GEMIN2: variants seen among roughly 807,000 people sequenced by gnomAD.
The protein encoded by GEMIN2 is gem nuclear organelle associated protein 2.
In GEMIN2, 37 loss-of-function variants were observed where a neutral mutation model predicts 45.8. The ratio of observed to expected loss-of-function variants is 0.81; its 90% CI spans 0.62 to 1.06. The LOEUF (loss-of-function observed/expected upper bound fraction) is 1.06. GEMIN2 is among the 50% of genes least tolerant of loss of function. The pLI is 0.00. For missense variants in GEMIN2, 335 were observed against 321.8 expected, an observed-to-expected ratio of 1.04 and a Z score of -0.31; for synonymous variants, 101 against 111.5, an observed-to-expected ratio of 0.91 and a Z score of 0.60.
chr14:39,129,934 GTTTTTTTTTT>G (rs34165330), intron 7 of GEMIN2, among the ~76,000 whole-genome samples: 2 of 61,400 alleles, frequency 3.3e-5, no homozygotes, highest in East Asian at 1.1e-3. Flanking sequence ...AGACAAGTTT[GTTTTTTTTTT>G]TTTTTTTTTT....
chr14:39,122,382 TA>T, intron 4 of GEMIN2, 47 bp from the exon 5 acceptor site: 1 of 969,716 alleles, frequency 1.0e-6, no homozygotes, highest in Non-Finnish European at 1.6e-6. Context: ...CTGTTCAGTG[TA>T]AAAATTAATA....
chr14:39,119,913 G>T (rs1044837452), intron 4 of GEMIN2, among the ~76,000 whole-genome samples: 14 of 152,206 alleles, frequency 9.2e-5, no homozygotes, highest in Non-Finnish European at 1.6e-4. Context: ...ACCCAAGTTG[G>T]TCTGTCTCTA....
intron 7 of GEMIN2, among the ~76,000 whole-genome samples, chr14:39,130,593 C>T (rs2052703760): frequency 6.6e-6 from 1 of 151,922 alleles, no homozygotes; most frequent in African/African-American, 2.4e-5. Context: ...CTTGTTAATC[C>T]CATTTAACTA....
intron 4 of GEMIN2, among the ~76,000 whole-genome samples, chr14:39,120,661 CTTG>C (rs943841300): frequency 2.0e-5 from 3 of 151,866 alleles, no homozygotes; most frequent in Non-Finnish European, 4.4e-5. Context: ...GAGTTTTGCT[CTTG>C]TTGCCCAGTC....
At chr14:39,115,580 C>T (rs2052493900) in intron 2 of GEMIN2, among the ~76,000 whole-genome samples, 1 of 151,470 alleles carries the variant, frequency 6.6e-6, no homozygotes, top group East Asian at 1.9e-4. Context: ...CCTCAGCCTC[C>T]CGAGTAGCTG....
chr14:39,133,925 C>G lies in GEMIN2; in HGVS notation c.770+206C>G, dbSNP rs1418280717. 4.6e-5 allele frequency: 16 copies of G among 344,588 alleles called. No homozygotes were observed. The South Asian group carries it at 8.6e-4, about 19-fold the overall frequency. 21.3% of individuals were successfully genotyped at this position (344,588 alleles called of 1,614,324 possible). ...CCTCCCACCTCAGCCTCCTGAGTAG[C>G]TAGGACCACAACCAAGCACCACCAC... On this transcript the variant is annotated intron_variant, in intron 9 of 9. Transcript: ENST00000308317.
At chr14:39,129,134 A>G (rs1295315316) in intron 7 of GEMIN2, among the ~76,000 whole-genome samples, 2 of 152,096 alleles carry the variant, frequency 1.3e-5, no homozygotes, top group African/African-American at 2.4e-5. Context: ...AGAAATAAAT[A>G]TATGGTTTTT....
intron 4 of GEMIN2, 22 bp from the exon 5 acceptor site, chr14:39,122,407 CA>C: frequency 9.1e-7 from 1 of 1,101,038 alleles, no homozygotes; most frequent in Admixed American, 2.1e-5. Flanking sequence ...AGGAATAAAT[CA>C]GTTTTTTTTT....
At chr14:39,131,851 C>G in intron 7 of GEMIN2, 107 bp from the exon 8 acceptor site, 1 of 636,262 alleles carries the variant, frequency 1.6e-6, no homozygotes, top group Non-Finnish European at 2.8e-6. Flanking sequence ...GTTAAATGTT[C>G]TATGAATTTA....
Position 39,133,667 on chromosome 14 carries a change from A to G in GEMIN2, c.718A>G (p.Lys240Glu). ...CSEVRLLVDS[K>E]DDERVPALNL... ...TTTCTTTTTTTTTTTTTAGGATAGC[A>G]AAGATGATGAGAGGGTTCCTGCTTT... Residue 240 changes from lysine (K) to glutamate (E), a missense_variant, in exon 9 of 10, where the codon AAA becomes GAA. Coordinates refer to ENST00000308317, the MANE Select transcript of GEMIN2 (RefSeq NM_003616.3). 6.7e-7 allele frequency: 1 copy of G among 1,495,330 alleles called. No individual in the cohort carries two copies. The highest frequency in any genetic ancestry group is 9.1e-7 in the Non-Finnish European group (1 of 1,103,316). 92.6% of individuals were successfully genotyped at this position (1,495,330 alleles called of 1,614,324 possible).
chr14:39,123,021 T>C (rs2052593507), intron 5 of GEMIN2, among the ~76,000 whole-genome samples: 1 of 152,176 alleles, frequency 6.6e-6, no homozygotes, highest in Admixed American at 6.6e-5. Flanking sequence ...TTAAAATGCA[T>C]AATCACATCT....
chr14:39,133,297 GACAC>G (rs1209529656), intron 8 of GEMIN2, among the ~76,000 whole-genome samples: 1 of 34,410 alleles, frequency 2.9e-5, no homozygotes, highest in Non-Finnish European at 6.1e-5. Flanking sequence ...CTACAGTTAA[GACAC>G]ATATATAATA....
rs906596925 is a variant in GEMIN2, at chr14:39,135,679, T to C, written c.771-761T>C. On this transcript the variant is annotated intron_variant, in intron 9 of 9. Transcript: ENST00000308317. ...GCTTTGGGAGGTCAAGGTGGGAGGA[T>C]TGCTTGAGTCCAGGGGTTCAAGAAT... Among the ~76,000 whole-genome samples, 5 of 152,034 alleles carry C rather than the reference T, an allele frequency of 3.3e-5. 1 individual carries two copies. The highest frequency in any genetic ancestry group is 4.2e-4 in the South Asian group (2 of 4,814).
rs760714095 is a variant in GEMIN2, at chr14:39,127,090, C to CCT, written c.532-1190_532-1189insCT. Among the ~76,000 whole-genome samples the CCT allele has an allele frequency of 1.4e-4, 18 of 124,526 alleles. 1 individual carries two copies. The highest frequency in any genetic ancestry group is 2.7e-4 in the African/African-American group (9 of 33,442). The allele number at this position is 124,526 out of a possible 152,430, so 81.7% of individuals were successfully genotyped here. The stretch of plus-strand genomic sequence containing the variant: ...ACTGATGGTATTTTTACAAATACAT[C>CCT]TTTTTTTTTTTTTTTTTTTGAGACA... On this transcript the variant is annotated intron_variant, in intron 6 of 9. Transcript: ENST00000308317.
At chr14:39,117,662 C>A (rs1204014073) in intron 2 of GEMIN2, among the ~76,000 whole-genome samples, 1 of 152,118 alleles carries the variant, frequency 6.6e-6, no homozygotes, top group African/African-American at 2.4e-5. Flanking sequence ...TGGTATATCT[C>A]TCTTTTTGTT....
chr14:39,128,647 C>T (rs58634862), intron 7 of GEMIN2, among the ~76,000 whole-genome samples: 4,564 of 151,538 alleles, frequency 0.03, 234 homozygotes, highest in African/African-American at 0.1. Flanking sequence ...CATGCAGCCA[C>T]GCCCAGTTTT....
At chr14:39,123,718 T>A (rs1244260340) in intron 5 of GEMIN2, among the ~76,000 whole-genome samples, 37 of 92,488 alleles carry the variant, frequency 4.0e-4, no homozygotes, top group East Asian at 6.1e-4. Context: ...ATTTTTTTTT[T>A]TTTTTTTTTT....
At chr14:39,130,483 C>G (rs2052702656) in intron 7 of GEMIN2, among the ~76,000 whole-genome samples, 1 of 152,104 alleles carries the variant, frequency 6.6e-6, no homozygotes, top group Non-Finnish European at 1.5e-5. Context: ...CCCTTTGTCA[C>G]CATTTTACTT....
intron 4 of GEMIN2, among the ~76,000 whole-genome samples, chr14:39,121,297 C>CAAAGCAGAAGAATTGCTTGAGG (rs1420718582): frequency 6.6e-6 from 1 of 152,026 alleles, no homozygotes; most frequent in Non-Finnish European, 1.5e-5. Flanking sequence ...TTTGGGAAGC[C>CAAAGCAGAAGAATTGCTTGAGG]AAAGCAGAAG....
Sources: gnomAD v4.1 joint callset for allele counts (sites outside exome capture counted in the v4.1 genomes callset) on GRCh38, gnomAD v4.1.1 for gene constraint, MANE v1.5 for transcripts, NCBI Gene and HGNC (gene_info 2026-07-23, HGNC 2026-07-21) for gene names.